MAN1C1: variants seen among roughly 807,000 people sequenced by gnomAD.
MAN1C1 encodes the protein mannosidase alpha class 1C member 1.
MAN1C1 carries 49 observed loss-of-function variants against 71.5 expected under a neutral mutation model. The ratio of observed to expected loss-of-function variants is 0.69; its 90% CI spans 0.54 to 0.87. The LOEUF is 0.87. Among genes scored for constraint, MAN1C1 ranks in the 40% least tolerant of loss-of-function variants. The probability of loss-of-function intolerance (pLI) is 0.00; values close to 1 mark genes in which losing one functional copy is unlikely to be tolerated. For missense variants in MAN1C1, 743 were observed against 835.0 expected, an observed-to-expected ratio of 0.89 and a Z score of 1.36; for synonymous variants, 352 against 343.7, an observed-to-expected ratio of 1.02 and a Z score of -0.27.
In MAN1C1 at chr1:25,746,780, C is replaced by T. The variant is rs769134803; in HGVS notation, c.750C>T (p.Asn250=). Residue 250 remains asparagine (N), a synonymous_variant, in exon 3 of 12, where the codon AAC becomes AAT. Transcript: ENST00000374332. The surrounding 1 kb of genome is among the most constrained non-coding windows in gnomAD (Gnocchi z 4.0). ...GGGTGGGAGAGAGCTTCCACCTGAACGTGGTGAGTCAGAGGCCCTCGGCGG... is the reference window on the plus strand; with the variant it reads ...GGGTGGGAGAGAGCTTCCACCTGAATGTGGTGAGTCAGAGGCCCTCGGCGG... The part of the protein sequence containing the change: ...KAWVGESFHL[N]VSGEASLFEV... 1.0e-5 allele frequency: 14 copies of T among 1,384,060 alleles called. No individual in the cohort carries two copies. In the South Asian group the frequency reaches 1.1e-4, roughly 11 times the overall value. The allele number at this position is 1,384,060 out of a possible 1,614,324, so 85.7% of individuals were successfully genotyped here.
intron 2 of MAN1C1, among the ~76,000 whole-genome samples, chr1:25,705,494 C>T (rs1197698741): frequency 6.6e-6 from 1 of 152,180 alleles, no homozygotes; most frequent in East Asian, 1.9e-4. Flanking sequence ...TAGGTTATTT[C>T]TGATTTTGGG....
chr1:25,727,701 C>T (rs139518336), intron 2 of MAN1C1, among the ~76,000 whole-genome samples: 1 of 152,348 alleles, frequency 6.6e-6, no homozygotes, highest in Non-Finnish European at 1.5e-5. Flanking sequence ...GGGGTCTCAG[C>T]CCCAGTTCTG....
At chr1:25,748,942 G>A (rs1441977344) in intron 3 of MAN1C1, among the ~76,000 whole-genome samples, 2 of 152,228 alleles carry the variant, frequency 1.3e-5, no homozygotes, top group African/African-American at 4.8e-5. Flanking sequence ...CTAAGCTCCA[G>A]CCAGCAGCTC....
intron 1 of MAN1C1, among the ~76,000 whole-genome samples, chr1:25,675,708 A>G (rs980615983): frequency 2.6e-5 from 4 of 152,124 alleles, no homozygotes; most frequent in Non-Finnish European, 5.9e-5. Flanking sequence ...TATTCCCACC[A>G]GCAGTGTAAA....
chr1:25,617,591 G>T lies in MAN1C1; in HGVS notation c.-207G>T, dbSNP rs890489391. 8.5e-6 allele frequency: 4 copies of T among 470,294 alleles called. No individual in the cohort carries two copies. Among genetic ancestry groups the T allele is most frequent in the Admixed American group, 9.3e-5 (2 of 21,490 alleles). 29.1% of individuals were successfully genotyped at this position (470,294 alleles called of 1,614,324 possible). A position where few individuals can be genotyped will look rare whatever the true frequency, so the allele number is the denominator to read the frequency against. On this transcript the variant is annotated 5_prime_UTR_variant, in exon 1 of 12. Transcript: ENST00000374332. This position sits in a 1 kb window ranked among gnomAD's most constrained non-coding sequence, Gnocchi z 5.1. The stretch of plus-strand genomic sequence containing the variant: ...CGCTCGCCCGGGCCCCGCCGAGGCC[G>T]CTGCGCCCCCGCCTCCTCGCGGGAG...
chr1:25,627,001 T>G (rs556534682), intron 1 of MAN1C1, among the ~76,000 whole-genome samples: 13 of 152,330 alleles, frequency 8.5e-5, no homozygotes, highest in Admixed American at 7.8e-4. Context: ...AGAAGCTTGA[T>G]CATTTCAGTA....
intron 1 of MAN1C1, among the ~76,000 whole-genome samples, chr1:25,627,273 T>G (rs1236736199): frequency 6.7e-6 from 1 of 149,870 alleles, no homozygotes; most frequent in Non-Finnish European, 1.5e-5. Flanking sequence ...TCTCTTCTCT[T>G]CTCTTGTCTT....
At chr1:25,749,424 G>A (rs2047182498) in intron 4 of MAN1C1, 89 bp downstream of exon 4, 1 of 1,183,208 alleles carries the variant, frequency 8.5e-7, no homozygotes, top group Non-Finnish European at 1.2e-6. Flanking sequence ...CCATCCATGG[G>A]AAAAGGGACT....
intron 1 of MAN1C1, among the ~76,000 whole-genome samples, chr1:25,661,508 C>G (rs182340789): frequency 2.0e-5 from 3 of 152,220 alleles, no homozygotes; most frequent in African/African-American, 7.2e-5. Flanking sequence ...TGCTCTCCCC[C>G]ACCGAGGGTG....
intron 8 of MAN1C1, 47 bp downstream of exon 8, chr1:25,771,819 C>T (rs760581590): frequency 1.6e-5 from 24 of 1,495,188 alleles, no homozygotes; most frequent in Middle Eastern, 1.7e-4. Flanking sequence ...CACCAGCCCC[C>T]GGCTCTCTCA....
chr1:25,637,422 A>T (rs193285298), intron 1 of MAN1C1, among the ~76,000 whole-genome samples: 5 of 152,274 alleles, frequency 3.3e-5, no homozygotes, highest in Middle Eastern at 3.4e-3. Flanking sequence ...TTCAAAGAAC[A>T]TACTCTAATT....
intron 1 of MAN1C1, among the ~76,000 whole-genome samples, chr1:25,649,602 C>T (rs573657137): frequency 6.6e-6 from 1 of 152,326 alleles, no homozygotes; most frequent in South Asian, 2.1e-4. Flanking sequence ...GACTGGGTCA[C>T]TGGGCTGCCT....
At chr1:25,681,372 G>A (rs554914002) in intron 1 of MAN1C1, among the ~76,000 whole-genome samples, 16 of 152,364 alleles carry the variant, frequency 1.1e-4, no homozygotes, top group African/African-American at 3.8e-4. Flanking sequence ...TGTGTAAGGT[G>A]TTATCGACCA....
Position 25,782,999 on chromosome 1 carries a change from T to C in MAN1C1, c.1766+299T>C, listed in dbSNP as rs1031369280. On this transcript the variant is annotated intron_variant, in intron 11 of 11. Transcript: ENST00000374332. The surrounding 1 kb of genome is among the most constrained non-coding windows in gnomAD (Gnocchi z 4.4). ...TTCCGTTCTGGGAACCGCGTCCTCG[T>C]GTGTAAAATGGGATAGGGTTAACGA... Among the ~76,000 whole-genome samples the C allele has an allele frequency of 2.0e-5, 3 of 152,148 alleles. No individual in the cohort carries two copies. The highest frequency in any genetic ancestry group is 4.4e-5 in the Non-Finnish European group (3 of 68,028).
intron 4 of MAN1C1, among the ~76,000 whole-genome samples, chr1:25,751,532 A>G (rs547931656): frequency 1.3e-4 from 20 of 152,374 alleles, no homozygotes; most frequent in African/African-American, 4.6e-4. Context: ...AAAACAGCTC[A>G]AAAGACTCAA....
rs146718720 is a variant in MAN1C1, at chr1:25,778,319, G to C, written c.1472G>C (p.Arg491Pro). 6.2e-7 allele frequency: 1 copy of C among 1,607,388 alleles called. No individual in the cohort carries two copies. The highest frequency in any genetic ancestry group is 8.5e-7 in the Non-Finnish European group (1 of 1,175,736). Residue 491 changes from arginine (R) to proline (P), a missense_variant, in exon 9 of 12, where the codon CGC becomes CCC. By Grantham distance (103) the Arg-to-Pro change is moderately radical. Transcript: ENST00000374332. This position sits in a 1 kb window ranked among gnomAD's most constrained non-coding sequence, Gnocchi z 5.5. ...AAGACGTGTCACGAGTCATACGCCC[G>C]CTCAGGTAACCCTGCAAGGGGAAGG... ...ITKTCHESYARSDTKLGPEAF... is the reference protein window; with the variant it reads ...ITKTCHESYAPSDTKLGPEAF...
intron 2 of MAN1C1, among the ~76,000 whole-genome samples, chr1:25,745,240 G>A (rs1438057860): frequency 6.6e-6 from 1 of 152,188 alleles, no homozygotes; most frequent in Non-Finnish European, 1.5e-5. Flanking sequence ...AGTGGTAGGG[G>A]CCAGGCCTCG....
chr1:25,627,996 A>G (rs984114998), intron 1 of MAN1C1, among the ~76,000 whole-genome samples: 1 of 152,146 alleles, frequency 6.6e-6, no homozygotes, highest in South Asian at 2.1e-4. Context: ...GCAGTGAGCC[A>G]TGATTGCAAC....
At chr1:25,709,427 G>GT (rs1197958221) in intron 2 of MAN1C1, among the ~76,000 whole-genome samples, 2 of 152,200 alleles carry the variant, frequency 1.3e-5, no homozygotes, top group Non-Finnish European at 2.9e-5. Flanking sequence ...CCTGTCAAAA[G>GT]TAACAGTACT....
Sources: allele counts gnomAD v4.1 joint callset (sites outside exome capture counted in the v4.1 genomes callset), GRCh38; gene constraint gnomAD v4.1.1; non-coding constraint Gnocchi (gnomAD v3.1); transcripts MANE v1.5; gene names NCBI Gene and HGNC (gene_info 2026-07-23, HGNC 2026-07-21).